The following RASD1 variants were observed in gnomAD, a reference collection of about 807,000 sequenced individuals.
RASD1 encodes the protein ras related dexamethasone induced 1.
A neutral mutation model predicts 16.7 loss-of-function variants in RASD1; 13 were observed. That is an observed-to-expected ratio of 0.78 (90% CI 0.51 to 1.24). RASD1 has a LOEUF of 1.24. Among genes scored for constraint, RASD1 ranks in the 50% most tolerant of loss-of-function variants. RASD1 has a pLI of 0.00. For synonymous variants in RASD1, 170 were observed against 172.6 expected (o/e 0.98, Z 0.12); for missense variants, 397 against 407.5 (o/e 0.97, Z 0.22).
Position 17,495,274 on chromosome 17 carries a change from C to G in RASD1, c.697G>C (p.Gly233Arg), listed in dbSNP as rs868712964. ...TCGCCCGGGTCGCCGCCGCCGCCGCCGCTGCCGGCCCGCAGCAGCTTCTTG... is the reference window on the plus strand; with the variant it reads ...TCGCCCGGGTCGCCGCCGCCGCCGCGGCTGCCGGCCCGCAGCAGCTTCTTG... ...RNKKLLRAGS[G>R]GGGGDPGDAF... The change falls in exon 2 of 2, where the codon GGC (glycine) becomes CGC (arginine). Residue 233 changes from glycine to arginine, a missense_variant. Coordinates refer to ENST00000225688, the MANE Select transcript of RASD1 (RefSeq NM_016084.5). 5.8e-6 allele frequency: 9 copies of G among 1,563,226 alleles called. No homozygotes were observed. The African/African-American group carries it at 6.8e-5, about 12-fold the overall frequency.
At position 17,495,274 on chromosome 17, in the gene RASD1, CGCT is replaced by C. The variant is rs777095632; in HGVS notation, c.694_696del (p.Ser232del). 19 of 1,563,108 alleles carry C rather than the reference CGCT, an allele frequency of 1.2e-5. No individual in the cohort carries two copies. In the Admixed American group the frequency reaches 1.3e-4, roughly 11 times the overall value. On this transcript the variant is annotated inframe_deletion, in exon 2 of 2. Coordinates refer to ENST00000225688, the MANE Select transcript of RASD1 (RefSeq NM_016084.5). ...TCGCCCGGGTCGCCGCCGCCGCCGCCGCTGCCGGCCCGCAGCAGCTTCTTGTTC... is the reference window on the plus strand; with the variant it reads ...TCGCCCGGGTCGCCGCCGCCGCCGCCGCCGGCCCGCAGCAGCTTCTTGTTC...
At chr17:17,495,825 G>A (rs1905415021) in intron 1 of RASD1, 71 bp downstream of exon 1, 1 of 1,489,590 alleles carries the variant, frequency 6.7e-7, no homozygotes, top group African/African-American at 1.4e-5. Flanking sequence ...CAGCCGGACC[G>A]GCGCTCGCGG....
chr17:17,495,045 G>A lies in RASD1; in HGVS notation c.*80C>T, dbSNP rs1905363262. The A allele has an allele frequency of 2.6e-6, 4 of 1,545,954 alleles. No homozygotes were observed. The highest frequency in any genetic ancestry group is 3.5e-6 in the Non-Finnish European group (4 of 1,144,682). ...GAGACGCCAGTCCGCGCGCGCTCCC[G>A]GCCTGGGGCGCACCGGGCCGTTGGA... is the stretch of plus-strand genomic sequence containing the variant. On this transcript the variant is annotated 3_prime_UTR_variant, in exon 2 of 2. Coordinates refer to ENST00000225688, the MANE Select transcript of RASD1 (RefSeq NM_016084.5).
Position 17,495,277 on chromosome 17 carries a change from TGCCGGC to T in RASD1, c.688_693del (p.Ala230_Gly231del). ...CCCGGGTCGCCGCCGCCGCCGCCGC[TGCCGGC>T]CCGCAGCAGCTTCTTGTTCCGCAGC... is the stretch of plus-strand genomic sequence containing the variant. On this transcript the variant is annotated inframe_deletion, in exon 2 of 2. Coordinates refer to ENST00000225688, the MANE Select transcript of RASD1 (RefSeq NM_016084.5). The T allele has an allele frequency of 6.4e-7, 1 of 1,563,354 alleles. No homozygotes were observed. Among genetic ancestry groups the T allele is most frequent in the Non-Finnish European group, 8.7e-7 (1 of 1,154,482 alleles).
At position 17,495,235 on chromosome 17, in the gene RASD1, C is replaced by T. The variant is rs759297142; in HGVS notation, c.736G>A (p.Val246Met). ...CTGGGCCGGCGCGCGAAGGGTGCCA[C>T]GATGCCAAAGGCGTCGCCCGGGTCG... ...GGDPGDAFGI[V>M]APFARRPSVH... Residue 246 changes from valine to methionine, a missense_variant, in exon 2 of 2, where the codon GTG becomes ATG. Val to Met is a conservative substitution (Grantham distance 21). Transcript: ENST00000225688. The T allele has an allele frequency of 6.2e-7, 1 of 1,606,936 alleles. No individual in the cohort carries two copies. Among genetic ancestry groups the T allele is most frequent in the East Asian group, 2.2e-5 (1 of 44,618 alleles).
At chr17:17,495,723 G>C (rs1294614351) in intron 1 of RASD1, 39 bp from the exon 2 acceptor site, 6 of 1,549,022 alleles carry the variant, frequency 3.9e-6, no homozygotes, top group Non-Finnish European at 5.2e-6. Flanking sequence ...AGAAGGTGAG[G>C]GTGGCCGCCC....
Position 17,495,215 on chromosome 17 carries a change from C to A in RASD1, c.756G>T (p.Arg252=), listed in dbSNP as rs373249882. 99 of 1,610,444 alleles carry A rather than the reference C, an allele frequency of 6.1e-5. No homozygotes were observed. In the African/African-American group the frequency reaches 1.2e-3, roughly 19 times the overall value. The change falls in exon 2 of 2, where the codon CGG becomes CGT. Residue 252 remains arginine (R), a synonymous_variant. Transcript: ENST00000225688. Reference sequence around the variant, plus strand: ...ACATGAGGTCGCTGTGTACGCTGGGCCGGCGCGCGAAGGGTGCCACGATGC... The same window carrying A: ...ACATGAGGTCGCTGTGTACGCTGGGACGGCGCGCGAAGGGTGCCACGATGC... ...AFGIVAPFAR[R]PSVHSDLMYI...
chr17:17,495,785 T>C, intron 1 of RASD1, 101 bp from the exon 2 acceptor site: 3 of 1,452,620 alleles, frequency 2.1e-6, no homozygotes, highest in Non-Finnish European at 2.7e-6. Context: ...CTAGCCTCTC[T>C]AAGCGCGAAG....
chr17:17,495,024 C>T lies in RASD1; in HGVS notation c.*101G>A. 1.4e-6 allele frequency: 2 copies of T among 1,444,302 alleles called. No homozygotes were observed. The highest frequency in any genetic ancestry group is 1.9e-6 in the Non-Finnish European group (2 of 1,067,970). The allele number at this position is 1,444,302 out of a possible 1,614,324, so 89.5% of individuals were successfully genotyped here. A position where few individuals can be genotyped will look rare whatever the true frequency, so the allele number is the denominator to read the frequency against. On this transcript the variant is annotated 3_prime_UTR_variant, in exon 2 of 2. Transcript: ENST00000225688. ...GGGGGCGGATCGCCGGGAGGGGAGA[C>T]GCCAGTCCGCGCGCGCTCCCGGCCT...
At position 17,495,191 on chromosome 17, in the gene RASD1, C is replaced by T; in HGVS notation, c.780G>A (p.Met260Ile). Residue 260 changes from methionine to isoleucine, a missense_variant, in exon 2 of 2, where the codon ATG becomes ATA. By Grantham distance (10) the Met-to-Ile change is conservative (BLOSUM62 1). Coordinates refer to ENST00000225688, the MANE Select transcript of RASD1 (RefSeq NM_016084.5). ...CGGCGCTGGCCTTCTCGCGGATGTA[C>T]ATGAGGTCGCTGTGTACGCTGGGCC... is the stretch of plus-strand genomic sequence containing the variant. ...ARRPSVHSDL[M>I]YIREKASAGS... 1.2e-6 allele frequency: 2 copies of T among 1,611,804 alleles called. No homozygotes were observed. The highest frequency in any genetic ancestry group is 2.2e-5 in the South Asian group (2 of 91,040).
At position 17,496,164 on chromosome 17, in the gene RASD1, C is replaced by G; in HGVS notation, c.18G>C (p.Met6Ile). 1.2e-6 allele frequency: 2 copies of G among 1,605,622 alleles called. No homozygotes were observed. The highest frequency in any genetic ancestry group is 1.7e-6 in the Non-Finnish European group (2 of 1,174,256). ...AGTCGCTCGGGCACATCTTCTTGAT[C>G]ATCGCGGCCAGTTTCATTGGGCAGA... is the stretch of plus-strand genomic sequence containing the variant. The part of the protein sequence containing the change: MKLAA[M>I]IKKMCPSDSE... The change falls in exon 1 of 2, where the codon ATG becomes ATC. Residue 6 changes from methionine to isoleucine, a missense_variant. Transcript: ENST00000225688.
chr17:17,494,840 T>G lies in RASD1; in HGVS notation c.*285A>C. The G allele has an allele frequency of 1.9e-6, 1 of 531,208 alleles. No individual in the cohort carries two copies. Among genetic ancestry groups the G allele is most frequent in the South Asian group, 2.3e-5 (1 of 44,088 alleles). 32.9% of individuals were successfully genotyped at this position (531,208 alleles called of 1,614,324 possible). On this transcript the variant is annotated 3_prime_UTR_variant, in exon 2 of 2. Coordinates refer to ENST00000225688, the MANE Select transcript of RASD1 (RefSeq NM_016084.5). ...GCTCACTCTTAGGTCTTTGAGAAGA[T>G]AAATCCACCCTCGGCTGGGCCCTCG... is the stretch of plus-strand genomic sequence containing the variant.
In RASD1 at chr17:17,495,120, G is replaced by T. The variant is rs1217557216; in HGVS notation, c.*5C>A. 6.2e-7 allele frequency: 1 copy of T among 1,610,322 alleles called. No homozygotes were observed. The highest frequency in any genetic ancestry group is 8.5e-7 in the Non-Finnish European group (1 of 1,179,448). ...TTAGGTTGTGTCGCCAGCGCGGCGG[G>T]GCTCCTAGCTGATGACGCAGCGCTC... On this transcript the variant is annotated 3_prime_UTR_variant, in exon 2 of 2. Coordinates refer to ENST00000225688, the MANE Select transcript of RASD1 (RefSeq NM_016084.5).
chr17:17,495,779 CCTCT>C (rs1166407454), intron 1 of RASD1, 95 bp from the exon 2 acceptor site: 1 of 1,463,246 alleles, frequency 6.8e-7, no homozygotes, highest in Non-Finnish European at 9.0e-7. Context: ...GGCGCGCTAG[CCTCT>C]CTAAGCGCGA....
Position 17,495,178 on chromosome 17 carries a change from T to C in RASD1, c.793A>G (p.Lys265Glu), listed in dbSNP as rs1008487816. The change falls in exon 2 of 2, where the codon AAG becomes GAG. Residue 265 changes from lysine to glutamate, a missense_variant. Physicochemically the swap from Lys to Glu is moderately conservative, Grantham distance 56 (BLOSUM62 1). Coordinates refer to ENST00000225688, the MANE Select transcript of RASD1 (RefSeq NM_016084.5). ...TTGGCCTGGCTGCCGGCGCTGGCCTTCTCGCGGATGTACATGAGGTCGCTG... is the reference window on the plus strand; with the variant it reads ...TTGGCCTGGCTGCCGGCGCTGGCCTCCTCGCGGATGTACATGAGGTCGCTG... ...VHSDLMYIRE[K>E]ASAGSQAKDK... The C allele has an allele frequency of 1.9e-6, 3 of 1,611,808 alleles. No homozygotes were observed. Among genetic ancestry groups the C allele is most frequent in the South Asian group, 1.1e-5 (1 of 91,056 alleles).
At position 17,495,677 on chromosome 17, in the gene RASD1, A is replaced by C. The variant is rs1253725563; in HGVS notation, c.294T>G (p.Val98=). The C allele has an allele frequency of 6.2e-7, 1 of 1,608,124 alleles. No homozygotes were observed. Among genetic ancestry groups the C allele is most frequent in the Non-Finnish European group, 8.5e-7 (1 of 1,176,906 alleles). Residue 98 remains valine, a synonymous_variant, in exon 2 of 2, where the codon GTT becomes GTG. Transcript: ENST00000225688. ...TGTCCAGACTGAACACCAGGATGAA[A>C]ACGTCTCCTAGAGGGGGCACAGAGA... ...MRRLSILTGD[V]FILVFSLDNR...
At position 17,495,685 on chromosome 17, in the gene RASD1, C is replaced by T; in HGVS notation, c.287-1G>A. The T allele has an allele frequency of 6.2e-7, 1 of 1,602,808 alleles. No individual in the cohort carries two copies. The highest frequency in any genetic ancestry group is 8.5e-7 in the Non-Finnish European group (1 of 1,173,772). On this transcript the variant is annotated splice_acceptor_variant, in intron 1 of 1. Transcript: ENST00000225688. LOFTEE classifies it high-confidence loss of function. Reference sequence around the variant, plus strand: ...CTGAACACCAGGATGAAAACGTCTCCTAGAGGGGGCACAGAGAGCAGAAAA... The same window carrying T: ...CTGAACACCAGGATGAAAACGTCTCTTAGAGGGGGCACAGAGAGCAGAAAA...
Position 17,494,934 on chromosome 17 carries a change from C to G in RASD1, c.*191G>C. The G allele has an allele frequency of 1.4e-6, 1 of 735,158 alleles. No individual in the cohort carries two copies. The highest frequency in any genetic ancestry group is 2.1e-6 in the Non-Finnish European group (1 of 465,726). The allele number at this position is 735,158 out of a possible 1,614,324, so 45.5% of individuals were successfully genotyped here. A position where few individuals can be genotyped will look rare whatever the true frequency, so the allele number is the denominator to read the frequency against. ...GGTGGGGAATAGTCCCAGTCTTGGC[C>G]CGTTCTCTTTCCTTCCGGAGCAGAT... is the stretch of plus-strand genomic sequence containing the variant. On this transcript the variant is annotated 3_prime_UTR_variant, in exon 2 of 2. Coordinates refer to ENST00000225688, the MANE Select transcript of RASD1 (RefSeq NM_016084.5).
In RASD1 at chr17:17,495,308, C is replaced by A; in HGVS notation, c.663G>T (p.Ala221=). Residue 221 remains alanine (A), a synonymous_variant, in exon 2 of 2, where the codon GCG becomes GCT. Transcript: ENST00000225688. ...CCCGCAGCAGCTTCTTGTTCCGCAG[C>A]GCCTTCTTGTGCAGCACGTCGCAGT... ...VQYCDVLHKK[A]LRNKKLLRAG... is the part of the protein sequence containing the mutation. The A allele has an allele frequency of 6.4e-7, 1 of 1,554,214 alleles. No homozygotes were observed. Among genetic ancestry groups the A allele is most frequent in the Middle Eastern group, 1.7e-4 (1 of 5,910 alleles).
Sources: allele counts gnomAD v4.1 joint callset, GRCh38; gene constraint gnomAD v4.1.1; transcripts MANE v1.5; gene names NCBI Gene and HGNC (gene_info 2026-07-23, HGNC 2026-07-21).